ZSCAN5A: variants seen among roughly 807,000 people sequenced by gnomAD.
ZSCAN5A encodes the protein zinc finger and SCAN domain-containing protein 5A.
Under a neutral mutation model 23.7 loss-of-function variants are expected in ZSCAN5A, and 12 were observed. That is an observed-to-expected ratio of 0.51 (90% CI 0.32 to 0.82). The LOEUF (loss-of-function observed/expected upper bound fraction) is 0.82. Among genes scored for constraint, ZSCAN5A ranks in the 40% least tolerant of loss-of-function variants. The pLI is 0.03. For synonymous variants in ZSCAN5A, 257 were observed against 239.9 expected, an observed-to-expected ratio of 1.07 and a Z score of -0.66; for missense variants, 597 against 617.9, an observed-to-expected ratio of 0.97 and a Z score of 0.36.
intron 2 of ZSCAN5A, among the ~76,000 whole-genome samples, chr19:56,290,895 T>C (rs942451881): frequency 2.0e-5 from 3 of 152,180 alleles, no homozygotes; most frequent in Non-Finnish European, 4.4e-5. Context: ...TTTCAGGTGC[T>C]GGGAAGAAGA....
chr19:56,228,543 G>T, intron 2 of ZSCAN5A: 1 of 793,004 alleles, frequency 1.3e-6, no homozygotes, highest in Non-Finnish European at 1.5e-6. Context: ...GGTGGCCTCA[G>T]AAAATATAGA....
intron 2 of ZSCAN5A, among the ~76,000 whole-genome samples, chr19:56,302,545 G>GTTCCTCCCTCCCCCCCCCTTCCTTTTC (rs1555807454): frequency 4.6e-5 from 1 of 21,592 alleles, no homozygotes; most frequent in Admixed American, 6.3e-4. Flanking sequence ...CTTCCTCCCC[G>GTTCCTCCCTCCCCCCCCCTTCCTTTTC]TTCCTCCCTC....
Position 56,222,234 on chromosome 19 carries a change from C to G in ZSCAN5A, c.832G>C (p.Glu278Gln). 6.2e-7 allele frequency: 1 copy of G among 1,613,956 alleles called. No individual in the cohort carries two copies. Among genetic ancestry groups the G allele is most frequent in the East Asian group, 2.2e-5 (1 of 44,872 alleles). Residue 278 changes from glutamate (E) to glutamine (Q), a missense_variant, in exon 6 of 6, where the codon GAG becomes CAG. Glu to Gln is a conservative substitution (Grantham distance 29). This residue lies in a region of ZSCAN5A where 406 missense variants were observed against 353.2 expected (regional missense o/e 1.15). Transcript: ENST00000683990. ...DADTPSACVVEREASTHSGNR... is the reference protein window; with the variant it reads ...DADTPSACVVQREASTHSGNR... ...CCGCTGTGAGTCGAAGCTTCTCTCT[C>G]CACAACGCAGGCAGAAGGTGTGTCA...
chr19:56,273,037 AT>A (rs370213324), intron 2 of ZSCAN5A: 9 of 258,280 alleles, frequency 3.5e-5, no homozygotes, highest in African/African-American at 1.6e-4. Flanking sequence ...CTTGCTTCCC[AT>A]TTAGACATTC....
intron 2 of ZSCAN5A, among the ~76,000 whole-genome samples, chr19:56,322,892 CTTTTT>C (rs397859568): frequency 7.9e-6 from 1 of 126,818 alleles, no homozygotes; most frequent in Non-Finnish European, 1.6e-5. Context: ...TTATTGGTTT[CTTTTT>C]TTTTTTTTTT....
chr19:56,228,588 CCA>C (rs1353329404), intron 2 of ZSCAN5A, among the ~76,000 whole-genome samples: 1 of 152,002 alleles, frequency 6.6e-6, no homozygotes, highest in Non-Finnish European at 1.5e-5. Flanking sequence ...TCCCCTCATG[CCA>C]CAGACAGTAA....
At chr19:56,365,551 T>G (rs2041758889) in intron 1 of ZSCAN5A, among the ~76,000 whole-genome samples, 1 of 152,184 alleles carries the variant, frequency 6.6e-6, no homozygotes, top group South Asian at 2.1e-4. Context: ...CAGTTTCTGG[T>G]CCAGCAAGGA....
chr19:56,286,324 T>G (rs2039121201), intron 2 of ZSCAN5A: 1 of 152,152 alleles, frequency 6.6e-6, no homozygotes, highest in South Asian at 2.1e-4. Flanking sequence ...TGACCCAAAC[T>G]TTTTATTTTT....
intron 2 of ZSCAN5A, among the ~76,000 whole-genome samples, chr19:56,239,751 C>T (rs2035262801): frequency 6.6e-6 from 1 of 152,206 alleles, no homozygotes; most frequent in South Asian, 2.1e-4. Flanking sequence ...ATGTGAAAGG[C>T]TTTGCTTAAA....
intron 2 of ZSCAN5A, among the ~76,000 whole-genome samples, chr19:56,343,807 C>T (rs1242504418): frequency 6.6e-6 from 1 of 152,152 alleles, no homozygotes; most frequent in Non-Finnish European, 1.5e-5. Context: ...AAAACCTTTA[C>T]ATAAGCTTTG....
intron 2 of ZSCAN5A, among the ~76,000 whole-genome samples, chr19:56,271,184 C>G (rs1389906046): frequency 1.3e-5 from 2 of 152,200 alleles, no homozygotes; most frequent in Non-Finnish European, 2.9e-5. Flanking sequence ...GCTCCCCCAA[C>G]CAATCACAAT....
chr19:56,274,049 T>C (rs1040140700), intron 2 of ZSCAN5A, among the ~76,000 whole-genome samples: 1 of 151,938 alleles, frequency 6.6e-6, no homozygotes, highest in African/African-American at 2.4e-5. Context: ...CAGGATTGAG[T>C]GATGGGTCAG....
rs1186801962 is a variant in ZSCAN5A at position 56,221,580 on chromosome 19, G to C, written c.1486C>G (p.Gln496Glu). The C allele has an allele frequency of 6.3e-7, 1 of 1,593,356 alleles. No homozygotes were observed. The highest frequency in any genetic ancestry group is 1.8e-5 in the Admixed American group (1 of 55,668). The stretch of plus-strand genomic sequence containing the variant: ...GCATAGACCGGATTATGCAATCACT[G>C]AGAAGTAGCTTCTGGATGTGTTTTC... ...HQKTHPEATSQ is the reference protein window; with the variant it reads ...HQKTHPEATSE The change falls in exon 6 of 6, where the codon CAG becomes GAG. Residue 496 changes from glutamine to glutamate, a missense_variant. Physicochemically the swap from Gln to Glu is conservative, Grantham distance 29. Transcript: ENST00000683990.
rs34420866 is a variant in ZSCAN5A at position 56,366,422 on chromosome 19, CAAAAAAA to C, written c.-522+1780_-522+1786del. On this transcript the variant is annotated intron_variant, in intron 1 of 6. Coordinates refer to the ZSCAN5A transcript ENST00000587340. The stretch of plus-strand genomic sequence containing the variant: ...TGGGTGACACAGCGAGACTCTGTCT[CAAAAAAA>C]AAAAAAAAAAAAAAGAAACCTTACC... Among the ~76,000 whole-genome samples, 10 of 83,160 alleles carry C rather than the reference CAAAAAAA, an allele frequency of 1.2e-4. 1 individual carries two copies. Among genetic ancestry groups the C allele is most frequent in the Non-Finnish European group, 2.3e-4 (8 of 35,318 alleles). 54.6% of individuals were successfully genotyped at this position (83,160 alleles called of 152,430 possible).
At chr19:56,228,512 T>C (rs2034182332) in intron 2 of ZSCAN5A, 1 of 924,782 alleles carries the variant, frequency 1.1e-6, no homozygotes. Flanking sequence ...TCTACTGAGT[T>C]GTCATACTGC....
chr19:56,268,674 C>T (rs2037636922), intron 2 of ZSCAN5A, among the ~76,000 whole-genome samples: 1 of 152,062 alleles, frequency 6.6e-6, no homozygotes, highest in Non-Finnish European at 1.5e-5. Context: ...TTTAAGTGTA[C>T]AATTCAGTGG....
rs2041578494 is a variant in ZSCAN5A at position 56,339,980 on chromosome 19, G to A, written c.-358+23255C>T. Among the ~76,000 whole-genome samples, 3 of 152,284 alleles carry A rather than the reference G, an allele frequency of 2.0e-5. No individual in the cohort carries two copies. The South Asian group carries it at 6.2e-4, about 32-fold the overall frequency. On this transcript the variant is annotated intron_variant, in intron 2 of 6. Transcript: ENST00000587340. ...ACACTGACCCTTCCAATCTGTTCCT[G>A]GGGATTGTCTGATACTACTGTCTTG...
At chr19:56,280,874 A>G (rs1255463317) in intron 2 of ZSCAN5A, among the ~76,000 whole-genome samples, 1 of 152,170 alleles carries the variant, frequency 6.6e-6, no homozygotes, top group Non-Finnish European at 1.5e-5. Context: ...TTTCCAACAC[A>G]TGCTGTTTGG....
At chr19:56,248,711 G>A (rs572537938) in intron 2 of ZSCAN5A, among the ~76,000 whole-genome samples, 85 of 147,800 alleles carry the variant, frequency 5.8e-4, no homozygotes, top group African/African-American at 2.0e-3. Context: ...CGGAGTATAC[G>A]TGTGAGCCAC....
Sources: gnomAD v4.1 joint callset for allele counts (sites outside exome capture counted in the v4.1 genomes callset) on GRCh38, gnomAD v4.1.1 for gene constraint, gnomAD v4.1.1 regional missense constraint, MANE v1.5 for transcripts, NCBI Gene and HGNC (gene_info 2026-07-23, HGNC 2026-07-21) for gene names.